Variants in ANKHD1 observed in about 807,000 individuals in gnomAD.
ANKHD1 encodes ankyrin repeat and KH domain-containing protein 1.
In ANKHD1, 31 loss-of-function variants were observed where a neutral mutation model predicts 230.5. The ratio of observed to expected loss-of-function variants is 0.13; its 90% CI spans 0.10 to 0.18. The LOEUF is 0.18. ANKHD1 is among the 10% of genes least tolerant of loss of function. ANKHD1 has a pLI of 1.00. For synonymous variants in ANKHD1, 1,074 were observed against 1,117.6 expected (o/e 0.96, Z 0.78); for missense variants, 2,256 against 3,071.3 (o/e 0.73, Z 6.27).
intron 15 of ANKHD1, among the ~76,000 whole-genome samples, chr5:140,499,363 C>T (rs1752174357): frequency 1.3e-5 from 2 of 151,878 alleles, no homozygotes; most frequent in Admixed American, 6.6e-5. Context: ...TAGAGTAGGA[C>T]AAATATATAA....
chr5:140,438,755 T>A, intron 3 of ANKHD1, 138 bp downstream of exon 3: 1 of 1,162,312 alleles, frequency 8.6e-7, no homozygotes, highest in Non-Finnish European at 1.2e-6. Context: ...AGTGGATATA[T>A]AAATGTATAT....
intron 10 of ANKHD1, among the ~76,000 whole-genome samples, chr5:140,480,671 TG>T (rs1375351519): frequency 6.6e-6 from 1 of 152,150 alleles, no homozygotes; most frequent in Non-Finnish European, 1.5e-5. Flanking sequence ...CTTGTTTAGT[TG>T]ACTTTCCTTT....
chr5:140,479,470 G>T (rs1751147968), intron 10 of ANKHD1, among the ~76,000 whole-genome samples: 1 of 151,942 alleles, frequency 6.6e-6, no homozygotes, highest in Non-Finnish European at 1.5e-5. Flanking sequence ...ACAAATAGTG[G>T]CTATATGACT....
At chr5:140,451,329 C>T (rs1296625860) in intron 7 of ANKHD1, among the ~76,000 whole-genome samples, 2 of 152,086 alleles carry the variant, frequency 1.3e-5, no homozygotes, top group Admixed American at 1.3e-4. Flanking sequence ...CCAGATGACT[C>T]AGTACAGTAA....
At chr5:140,461,294 A>G (rs913569365) in intron 9 of ANKHD1, among the ~76,000 whole-genome samples, 1 of 152,188 alleles carries the variant, frequency 6.6e-6, no homozygotes, top group Non-Finnish European at 1.5e-5. Context: ...TGTTTTTTCT[A>G]CTGCATTACC....
rs1294098087 is a variant in ANKHD1, at chr5:140,458,843, G to A, written c.1461G>A (p.Val487=). The A allele has an allele frequency of 2.5e-6, 4 of 1,611,552 alleles. No individual in the cohort carries two copies. The highest frequency in any genetic ancestry group is 3.4e-6 in the Non-Finnish European group (4 of 1,179,126). Residue 487 remains valine (V), a synonymous_variant, in exon 8 of 34, where the codon GTG becomes GTA. Transcript: ENST00000360839. ...CCCGGGAAGGACATGAAGAAATGGT[G>A]GCACTACTCTTAGCACAAGGTAAAG... The part of the protein sequence containing the change: ...EAAREGHEEM[V]ALLLAQGANI...
At chr5:140,458,989 T>TGG (rs1561755362) in intron 8 of ANKHD1, 127 bp downstream of exon 8, 1 of 18,672 alleles carries the variant, frequency 5.4e-5, no homozygotes, top group East Asian at 2.0e-3. Flanking sequence ...TGCATATATA[T>TGG]ATATATGCAT....
intron 9 of ANKHD1, among the ~76,000 whole-genome samples, chr5:140,464,463 G>A (rs540640168): frequency 7.1e-4 from 108 of 152,218 alleles, no homozygotes; most frequent in Admixed American, 2.0e-3. Flanking sequence ...GCAAATTACT[G>A]TGTTTTAAAA....
Position 140,468,323 on chromosome 5 carries a change from G to A in ANKHD1, c.1782+3547G>A, listed in dbSNP as rs148225717. On this transcript the variant is annotated intron_variant, in intron 10 of 33. Transcript: ENST00000360839. Reference sequence around the variant, plus strand: ...CGTAGTTTATCACTGACTTACCTCTGTAACCATAAAGTAAGCCCTCTGACC... The same window carrying A: ...CGTAGTTTATCACTGACTTACCTCTATAACCATAAAGTAAGCCCTCTGACC... Among the ~76,000 whole-genome samples, 105 of 151,614 alleles carry A rather than the reference G, an allele frequency of 6.9e-4. 1 individual carries two copies. Among genetic ancestry groups the A allele is most frequent in the African/African-American group, 2.4e-3 (101 of 41,384 alleles).
At position 140,539,114 on chromosome 5, in the gene ANKHD1, T is replaced by A. The variant is rs1269826749; in HGVS notation, c.7569+31T>A. 3.8e-6 allele frequency: 6 copies of A among 1,570,346 alleles called. No homozygotes were observed. In the African/African-American group the frequency reaches 6.9e-5, roughly 18 times the overall value. ...ATGGGCTTAATGCTCTTTTGTTTTT[T>A]AGATTTGTCACATCATTCTTTTTGT... is the stretch of plus-strand genomic sequence containing the variant. On this transcript the variant is annotated intron_variant, in intron 33 of 33. Transcript: ENST00000360839.
At position 140,464,657 on chromosome 5, in the gene ANKHD1, T is replaced by G; in HGVS notation, c.1673-10T>G. The G allele has an allele frequency of 1.3e-6, 2 of 1,528,094 alleles. No individual in the cohort carries two copies. Among genetic ancestry groups the G allele is most frequent in the Non-Finnish European group, 1.8e-6 (2 of 1,126,412 alleles). The allele number at this position is 1,528,094 out of a possible 1,614,324, so 94.7% of individuals were successfully genotyped here. On this transcript the variant is annotated splice_polypyrimidine_tract_variant and intron_variant, in intron 9 of 33. Transcript: ENST00000360839. ...TTCACAAAGTAAATGTATGCTTTTT[T>G]GTTTGCTAGGCGCTAATGTGCATGC...
intron 21 of ANKHD1, 73 bp downstream of exon 21, chr5:140,509,885 CATT>C: frequency 6.4e-7 from 1 of 1,551,532 alleles, no homozygotes; most frequent in Non-Finnish European, 8.7e-7. Flanking sequence ...AAGTTAATAA[CATT>C]GTTTTACTTT....
intron 24 of ANKHD1, among the ~76,000 whole-genome samples, chr5:140,516,341 G>A (rs1190503195): frequency 6.6e-6 from 1 of 152,198 alleles, no homozygotes; most frequent in Non-Finnish European, 1.5e-5. Context: ...GAAAGTGACA[G>A]GGAGAATGGA....
Position 140,505,260 on chromosome 5 carries a change from A to G in ANKHD1, c.3262+27A>G, listed in dbSNP as rs1272606476. 6 of 1,611,798 alleles carry G rather than the reference A, an allele frequency of 3.7e-6. No individual in the cohort carries two copies. In the African/African-American group the frequency reaches 6.7e-5, roughly 18 times the overall value. Reference sequence around the variant, plus strand: ...TAAATATCAGTCAGAAATAAAATCCAAGTGTAGTTACATCAGAAAATAATT... The same window carrying G: ...TAAATATCAGTCAGAAATAAAATCCGAGTGTAGTTACATCAGAAAATAATT... On this transcript the variant is annotated intron_variant, in intron 17 of 33. Transcript: ENST00000360839.
chr5:140,482,766 T>G, intron 11 of ANKHD1, 99 bp downstream of exon 11: 1 of 1,270,476 alleles, frequency 7.9e-7, no homozygotes, highest in Non-Finnish European at 1.1e-6. Context: ...TTACCTACAG[T>G]AAAGTATTGT....
At chr5:140,424,362 T>C (rs548220176) in intron 1 of ANKHD1, among the ~76,000 whole-genome samples, 23 of 152,254 alleles carry the variant, frequency 1.5e-4, no homozygotes, top group African/African-American at 5.5e-4. Context: ...TGGTTCACTG[T>C]AGCCTTGAAC....
At chr5:140,479,439 C>T (rs1459580633) in intron 10 of ANKHD1, among the ~76,000 whole-genome samples, 1 of 151,894 alleles carries the variant, frequency 6.6e-6, no homozygotes, top group Non-Finnish European at 1.5e-5. Flanking sequence ...AATTTGTATC[C>T]TAAAATTTTA....
At chr5:140,475,219 T>C (rs1194658254) in intron 10 of ANKHD1, among the ~76,000 whole-genome samples, 1 of 152,154 alleles carries the variant, frequency 6.6e-6, no homozygotes, top group Non-Finnish European at 1.5e-5. Context: ...TCTAAAAATA[T>C]GTAGTCGTGC....
In ANKHD1 at chr5:140,528,911, G is replaced by A; in HGVS notation, c.5965G>A (p.Val1989Ile). The change falls in exon 29 of 34, where the codon GTC (valine) becomes ATC (isoleucine). Residue 1989 changes from valine to isoleucine, a missense_variant. By Grantham distance (29) the Val-to-Ile change is conservative. This residue lies in a region of ANKHD1 where 778 missense variants were observed against 966.5 expected (regional missense o/e 0.80). Coordinates refer to ENST00000360839, the MANE Select transcript of ANKHD1 (RefSeq NM_017747.3). Reference protein sequence around the residue: ...VTSTCSSLPSVSSAPITSGQA... With the variant: ...VTSTCSSLPSISSAPITSGQA... Reference sequence around the variant, plus strand: ...AAGCACTTGTAGTTCCCTGCCTTCTGTCTCCTCTGCACCTATCACTAGCGG... The same window carrying A: ...AAGCACTTGTAGTTCCCTGCCTTCTATCTCCTCTGCACCTATCACTAGCGG... 1 of 1,614,176 alleles carries A rather than the reference G, an allele frequency of 6.2e-7. No homozygotes were observed. The highest frequency in any genetic ancestry group is 1.1e-5 in the South Asian group (1 of 91,090).
Sources: gnomAD v4.1 joint callset for allele counts (sites outside exome capture counted in the v4.1 genomes callset) on GRCh38, gnomAD v4.1.1 for gene constraint, gnomAD v4.1.1 regional missense constraint, MANE v1.5 for transcripts, NCBI Gene and HGNC (gene_info 2026-07-23, HGNC 2026-07-21) for gene names.